ST8SIA4: variants seen among roughly 807,000 people sequenced by gnomAD.
ST8SIA4 encodes the protein CMP-N-acetylneuraminate-poly-alpha-2,8-sialyltransferase.
Under a neutral mutation model 33.9 loss-of-function variants are expected in ST8SIA4, and 15 were observed. The ratio of observed to expected loss-of-function variants is 0.44; its 90% confidence interval spans 0.30 to 0.68. The LOEUF is 0.68. Ranked by LOEUF, ST8SIA4 falls within the 30% of genes least tolerant of loss-of-function variation. ST8SIA4 has a pLI of 0.10. For synonymous variants in ST8SIA4, 171 were observed against 151.2 expected (o/e 1.13, Z -0.96); for missense variants, 321 against 428.0 (o/e 0.75, Z 2.21).
At chr5:100,837,011 C>T (rs1197600464) in intron 4 of ST8SIA4, among the ~76,000 whole-genome samples, 1 of 151,502 alleles carries the variant, frequency 6.6e-6, no homozygotes, top group Admixed American at 6.6e-5. Context: ...CACACACACA[C>T]ACACACACAC....
chr5:100,857,669 A>G (rs899469496), intron 3 of ST8SIA4, among the ~76,000 whole-genome samples: 8 of 152,038 alleles, frequency 5.3e-5, no homozygotes, highest in Non-Finnish European at 1.0e-4. Flanking sequence ...GAATTATTAA[A>G]CATTTTAATT....
rs1233272229 is a variant in ST8SIA4, at chr5:100,898,627, GCTCTAGAGTAAATTT to G, written c.114-2857_114-2843del. Reference sequence around the variant, plus strand: ...AAGGTCAAACTTAGTACAATCTGAAGCTCTAGAGTAAATTTCTCTGTATAAAGTTAAATGGGTCCC... The same window carrying G: ...AAGGTCAAACTTAGTACAATCTGAAGCTCTGTATAAAGTTAAATGGGTCCC... On this transcript the variant is annotated intron_variant, in intron 1 of 4. Transcript: ENST00000231461. Among the ~76,000 whole-genome samples the G allele has an allele frequency of 3.9e-5, 6 of 152,272 alleles. No individual in the cohort carries two copies. The South Asian group carries it at 6.2e-4, about 16-fold the overall frequency.
chr5:100,830,592 G>A (rs1022107758), intron 4 of ST8SIA4, among the ~76,000 whole-genome samples: 7 of 152,002 alleles, frequency 4.6e-5, no homozygotes, highest in African/African-American at 1.7e-4. Context: ...TCTATAAACC[G>A]TCAACAGACT....
intron 3 of ST8SIA4, among the ~76,000 whole-genome samples, chr5:100,870,749 G>A (rs1752181002): frequency 6.6e-6 from 1 of 151,938 alleles, no homozygotes; most frequent in African/African-American, 2.4e-5. Flanking sequence ...TATTTCATGT[G>A]TAGTTTTAAG....
intron 3 of ST8SIA4, among the ~76,000 whole-genome samples, chr5:100,884,890 A>G (rs1361301944): frequency 6.6e-6 from 1 of 152,206 alleles, no homozygotes; most frequent in Admixed American, 6.5e-5. Flanking sequence ...GTTTAGAGGG[A>G]CACAGAAATA....
rs968453550 is a variant in ST8SIA4 at position 100,811,429 on chromosome 5, C to A, written c.*418G>T. 6.4e-6 allele frequency: 1 copy of A among 156,056 alleles called. No homozygotes were observed. Among genetic ancestry groups the A allele is most frequent in the Non-Finnish European group, 1.4e-5 (1 of 70,484 alleles). 9.7% of individuals were successfully genotyped at this position (156,056 alleles called of 1,614,324 possible). ...ACGGATTTCATTGCTCAAACTGCTTCCATCTTGGCTTCTGCTGACAAGGAT... is the reference window on the plus strand; with the variant it reads ...ACGGATTTCATTGCTCAAACTGCTTACATCTTGGCTTCTGCTGACAAGGAT... On this transcript the variant is annotated 3_prime_UTR_variant, in exon 5 of 5. Transcript: ENST00000231461.
chr5:100,856,431 A>G, intron 3 of ST8SIA4, 35 bp from the exon 4 acceptor site: 1 of 1,556,192 alleles, frequency 6.4e-7, no homozygotes, highest in Non-Finnish European at 8.7e-7. Context: ...CAAATGAAAA[A>G]AAAAGAAATA....
chr5:100,832,066 A>C (rs1040930106), intron 4 of ST8SIA4, among the ~76,000 whole-genome samples: 1 of 152,172 alleles, frequency 6.6e-6, no homozygotes, highest in African/African-American at 2.4e-5. Flanking sequence ...TGCTATTTTA[A>C]TCTTTCTCTA....
chr5:100,848,148 C>T (rs1054008780), intron 4 of ST8SIA4, among the ~76,000 whole-genome samples: 6 of 151,696 alleles, frequency 4.0e-5, no homozygotes, highest in African/African-American at 1.5e-4. Context: ...ACACCAACAA[C>T]AGAAATATAA....
intron 3 of ST8SIA4, among the ~76,000 whole-genome samples, chr5:100,883,043 C>CT (rs1284113245): frequency 3.9e-5 from 6 of 152,322 alleles, no homozygotes; most frequent in Non-Finnish European, 7.3e-5. Context: ...GAGAAGAGGG[C>CT]CACCATCCTT....
intron 3 of ST8SIA4, chr5:100,885,215 T>C (rs1752510495): frequency 3.3e-6 from 1 of 299,580 alleles, no homozygotes; most frequent in Non-Finnish European, 4.9e-6. Context: ...AGGTTTCTCT[T>C]ATAGTCTAAT....
chr5:100,856,218 A>T lies in ST8SIA4; in HGVS notation c.682T>A (p.Phe228Ile), dbSNP rs777071808. Residue 228 changes from phenylalanine (F) to isoleucine (I), a missense_variant, in exon 4 of 5, where the codon TTC becomes ATC. Transcript: ENST00000231461. ...TGCTTCTCTCCTCCTTTGACCATGA[A>T]AGCAGGAATCCAAAGGACACTGTCA... The part of the protein sequence containing the change: ...LNDSVLWIPA[F>I]MVKGGEKHVE... 6.2e-7 allele frequency: 1 copy of T among 1,614,112 alleles called. No individual in the cohort carries two copies. Among genetic ancestry groups the T allele is most frequent in the East Asian group, 2.2e-5 (1 of 44,866 alleles).
intron 4 of ST8SIA4, among the ~76,000 whole-genome samples, chr5:100,813,137 T>C (rs2112394405): frequency 6.6e-6 from 1 of 152,246 alleles, no homozygotes; most frequent in Non-Finnish European, 1.5e-5. Flanking sequence ...TTGCTTTAGA[T>C]TTCGCATATT....
At chr5:100,815,075 C>A (rs897455377) in intron 4 of ST8SIA4, among the ~76,000 whole-genome samples, 3 of 151,640 alleles carry the variant, frequency 2.0e-5, no homozygotes, top group African/African-American at 7.3e-5. Flanking sequence ...AGCTTTTATC[C>A]CAACTGTACA....
intron 2 of ST8SIA4, chr5:100,890,964 A>G (rs1287250082): frequency 6.6e-6 from 1 of 151,894 alleles, no homozygotes; most frequent in African/African-American, 2.4e-5. Context: ...TTCCCTTTCA[A>G]CGTCACCTAT....
chr5:100,808,995 G>A lies in ST8SIA4; in HGVS notation c.*2852C>T, dbSNP rs1750750272. On this transcript the variant is annotated 3_prime_UTR_variant, in exon 5 of 5. Coordinates refer to ENST00000231461, the MANE Select transcript of ST8SIA4 (RefSeq NM_005668.6). ...CTGAACATTTTTGGAAGTGGGCAAT[G>A]TATTTAGAGAACACAAAGGATATGG... 1 of 152,552 alleles carries A rather than the reference G, an allele frequency of 6.6e-6. No homozygotes were observed. Among genetic ancestry groups the A allele is most frequent in the Non-Finnish European group, 1.5e-5 (1 of 68,030 alleles). 9.4% of individuals were successfully genotyped at this position (152,552 alleles called of 1,614,324 possible).
chr5:100,864,014 C>T (rs1561398713), intron 3 of ST8SIA4, among the ~76,000 whole-genome samples: 1 of 152,178 alleles, frequency 6.6e-6, no homozygotes, highest in Non-Finnish European at 1.5e-5. Context: ...TATCAGCTTT[C>T]TCCTTGGAGA....
chr5:100,828,798 C>T (rs1751194581), intron 4 of ST8SIA4, among the ~76,000 whole-genome samples: 1 of 152,090 alleles, frequency 6.6e-6, no homozygotes, highest in African/African-American at 2.4e-5. Flanking sequence ...TTTTTTAATA[C>T]TATTTTTAAG....
intron 4 of ST8SIA4, among the ~76,000 whole-genome samples, chr5:100,814,904 C>T (rs1037993892): frequency 1.3e-5 from 2 of 151,866 alleles, no homozygotes; most frequent in African/African-American, 4.8e-5. Flanking sequence ...AATGTATCTA[C>T]CTATACACAA....
Sources: gnomAD v4.1 joint callset for allele counts (sites outside exome capture counted in the v4.1 genomes callset) on GRCh38, gnomAD v4.1.1 for gene constraint, MANE v1.5 for transcripts, NCBI Gene and HGNC (gene_info 2026-07-23, HGNC 2026-07-21) for gene names.